The following SRGAP2C variants were observed in gnomAD, a reference collection of about 807,000 sequenced individuals.
SRGAP2C encodes the protein SLIT-ROBO Rho GTPase-activating protein 2C.
Under a neutral mutation model 25.1 loss-of-function variants are expected in SRGAP2C, and 15 were observed. That is an observed-to-expected ratio of 0.60 (90% CI 0.40 to 0.92). SRGAP2C has a LOEUF of 0.92. Among genes scored for constraint, SRGAP2C ranks in the 40% least tolerant of loss-of-function variants. The pLI, the probability that SRGAP2C is intolerant of heterozygous loss-of-function variation, is 0.00. For missense variants in SRGAP2C, 144 were observed against 264.4 expected (o/e 0.54, Z 3.16); for synonymous variants, 44 against 96.6 (o/e 0.46, Z 3.19).
At chr1:121,282,862 G>C (rs1313212693) in intron 2 of SRGAP2C, among the ~76,000 whole-genome samples, 29 of 150,986 alleles carry the variant, frequency 1.9e-4, no homozygotes, top group African/African-American at 7.0e-4. Context: ...CTGGCACTTG[G>C]TTCTTACTGA....
intron 3 of SRGAP2C, among the ~76,000 whole-genome samples, chr1:121,293,915 GGA>G (rs1657542517): frequency 1.1e-5 from 1 of 89,814 alleles, no homozygotes; most frequent in Non-Finnish European, 2.3e-5. Context: ...CAGTCCACAT[GGA>G]TTCATCTCAC....
chr1:121,222,032 A>G (rs1655538129), intron 2 of SRGAP2C, among the ~76,000 whole-genome samples: 1 of 152,048 alleles, frequency 6.6e-6, no homozygotes, highest in African/African-American at 2.4e-5. Context: ...TGCCTGAGCT[A>G]GAAATGAAGT....
rs1418861534 is a variant in SRGAP2C at position 121,246,173 on chromosome 1, TC to T, written c.68-38629del. 5.9e-3 allele frequency among the ~76,000 whole-genome samples: 471 copies of T among 79,562 alleles called. 38 individuals are homozygous for T. Among genetic ancestry groups the T allele is most frequent in the African/African-American group, 0.03 (449 of 15,140 alleles). 52.2% of individuals were successfully genotyped at this position (79,562 alleles called of 152,430 possible). ...GGAGAAGGTCAGGAGAGGAGGCATG[TC>T]TAAATGACAGTTATAAGGAAGAATC... On this transcript the variant is annotated intron_variant, in intron 2 of 9. Transcript: ENST00000367123.
intron 3 of SRGAP2C, among the ~76,000 whole-genome samples, chr1:121,321,087 G>A (rs1170863017): frequency 1.9e-4 from 29 of 149,234 alleles, no homozygotes; most frequent in Non-Finnish European, 5.9e-5. Context: ...GAAGTTCCAA[G>A]GCATACAGTG....
rs587622448 is a variant in SRGAP2C at position 121,378,502 on chromosome 1, A to G, written c.831+3548A>G. Reference sequence around the variant, plus strand: ...TTTTTTGTGTCTGGCATCTTTTGCCAACATGATGTTTTTGAATTTCATCCA... The same window carrying G: ...TTTTTTGTGTCTGGCATCTTTTGCCGACATGATGTTTTTGAATTTCATCCA... On this transcript the variant is annotated intron_variant, in intron 7 of 9. Transcript: ENST00000367123. Among the ~76,000 whole-genome samples the G allele has an allele frequency of 9.3e-3, 1,401 of 150,898 alleles. 15 individuals are homozygous for G. The highest frequency in any genetic ancestry group is 0.032 in the African/African-American group (1,314 of 40,860).
chr1:121,363,980 G>A (rs1187438988), intron 4 of SRGAP2C, among the ~76,000 whole-genome samples: 2 of 151,328 alleles, frequency 1.3e-5, no homozygotes, highest in Middle Eastern at 3.4e-3. Flanking sequence ...AGAAAAAAAA[G>A]TATTTTTTAA....
intron 2 of SRGAP2C, among the ~76,000 whole-genome samples, chr1:121,214,183 C>T: frequency 6.6e-6 from 1 of 150,878 alleles, no homozygotes; most frequent in African/African-American, 2.5e-5. Context: ...TGTATTTTTA[C>T]TAGAGATGGG....
At chr1:121,322,145 A>G (rs1553341194) in intron 3 of SRGAP2C, among the ~76,000 whole-genome samples, 3 of 149,832 alleles carry the variant, frequency 2.0e-5, no homozygotes, top group Admixed American at 6.6e-5. Flanking sequence ...GACCCCCCCA[A>G]TCCATCTTCT....
Position 121,300,327 on chromosome 1 carries a change from G to A in SRGAP2C, c.260+15332G>A, listed in dbSNP as rs1273787691. Among the ~76,000 whole-genome samples the A allele has an allele frequency of 1.1e-4, 10 of 94,450 alleles. No homozygotes were observed. In the South Asian group the frequency reaches 2.0e-3, roughly 19 times the overall value. The allele number at this position is 94,450 out of a possible 152,430, so 62.0% of individuals were successfully genotyped here. A position where few individuals can be genotyped will look rare whatever the true frequency, so the allele number is the denominator to read the frequency against. On this transcript the variant is annotated intron_variant, in intron 3 of 9. Transcript: ENST00000367123. ...GCTTACAATCATGGCAGAAGGCACC[G>A]GGGAGCCAGCATGTCACATGGTGAG...
intron 2 of SRGAP2C, among the ~76,000 whole-genome samples, chr1:121,223,035 T>C (rs1262660191): frequency 2.0e-5 from 3 of 151,968 alleles, no homozygotes; most frequent in Non-Finnish European, 2.9e-5. Flanking sequence ...ATTGATGAGA[T>C]CAATTCATTA....
intron 3 of SRGAP2C, among the ~76,000 whole-genome samples, chr1:121,306,884 A>G (rs1657853412): frequency 6.6e-6 from 1 of 152,142 alleles, no homozygotes; most frequent in African/African-American, 2.4e-5. Context: ...ATACACATAA[A>G]TAGCTGAGAA....
At chr1:121,319,486 C>T (rs1450022978) in intron 3 of SRGAP2C, among the ~76,000 whole-genome samples, 10 of 147,418 alleles carry the variant, frequency 6.8e-5, no homozygotes, top group African/African-American at 2.2e-4. Flanking sequence ...GAGAGGCCAA[C>T]TTGGACCTTT....
intron 2 of SRGAP2C, among the ~76,000 whole-genome samples, chr1:121,191,663 G>A (rs1367816787): frequency 1.3e-5 from 2 of 151,914 alleles, no homozygotes; most frequent in Middle Eastern, 3.4e-3. Flanking sequence ...AATCTGGGTG[G>A]TATTTGGGTG....
intron 2 of SRGAP2C, among the ~76,000 whole-genome samples, chr1:121,254,061 C>T (rs1362599299): frequency 5.3e-5 from 8 of 150,034 alleles, no homozygotes; most frequent in African/African-American, 7.3e-5. Context: ...TGCAGGCATG[C>T]GCCACCATGC....
At chr1:121,314,214 G>C (rs879128137) in intron 3 of SRGAP2C, among the ~76,000 whole-genome samples, 1 of 130,792 alleles carries the variant, frequency 7.6e-6, no homozygotes, top group Non-Finnish European at 1.6e-5. Flanking sequence ...CCAGTTGATC[G>C]CATCGGCTCC....
At chr1:121,267,346 C>A (rs1324640309) in intron 2 of SRGAP2C, among the ~76,000 whole-genome samples, 2 of 150,978 alleles carry the variant, frequency 1.3e-5, no homozygotes, top group East Asian at 1.9e-4. Flanking sequence ...GGTGCACCAC[C>A]ATGCCTGGCT....
In SRGAP2C at chr1:121,389,123, G is replaced by A. The variant is rs1353705138; in HGVS notation, c.*1268G>A. The A allele has an allele frequency of 6.6e-6, 1 of 151,848 alleles. No individual in the cohort carries two copies. Among genetic ancestry groups the A allele is most frequent in the Admixed American group, 6.6e-5 (1 of 15,242 alleles). The allele number at this position is 151,848 out of a possible 1,614,324, so 9.4% of individuals were successfully genotyped here. On this transcript the variant is annotated 3_prime_UTR_variant, in exon 10 of 10. Coordinates refer to ENST00000367123, the MANE Select transcript of SRGAP2C (RefSeq NM_001329984.2). ...CTGTACATATTGTTTTACAATCTAA[G>A]TCATATAATTATAATATTCTTTAAG... is the stretch of plus-strand genomic sequence containing the variant.
chr1:121,346,851 C>T (rs1490541359), intron 4 of SRGAP2C, among the ~76,000 whole-genome samples: 1 of 151,476 alleles, frequency 6.6e-6, no homozygotes, highest in African/African-American at 2.4e-5. Flanking sequence ...AGAAGAATTT[C>T]AACACACATT....
At chr1:121,263,995 G>T (rs1489583536) in intron 2 of SRGAP2C, among the ~76,000 whole-genome samples, 1 of 151,948 alleles carries the variant, frequency 6.6e-6, no homozygotes, top group Non-Finnish European at 1.5e-5. Flanking sequence ...ACCTTTAAAT[G>T]GTGTGAGGTG....
Sources: gnomAD v4.1 joint callset for allele counts (sites outside exome capture counted in the v4.1 genomes callset) on GRCh38, gnomAD v4.1.1 for gene constraint, MANE v1.5 for transcripts, NCBI Gene and HGNC (gene_info 2026-07-23, HGNC 2026-07-21) for gene names.